The following SUGCT variants were observed in gnomAD, a reference collection of about 807,000 sequenced individuals.
SUGCT encodes the protein succinyl-CoA:glutarate-CoA transferase, also known as succinyl-CoA:glutarate CoA-transferase.
SUGCT carries 41 observed loss-of-function variants against 55.0 expected under a neutral mutation model. That is an observed-to-expected ratio of 0.74 (90% CI 0.58 to 0.97). The LOEUF (loss-of-function observed/expected upper bound fraction) is 0.97, where lower values mean the gene tolerates loss of function less well. SUGCT is among the 50% of genes least tolerant of loss of function. SUGCT has a pLI of 0.00. For synonymous variants in SUGCT, 187 were observed against 200.4 expected (o/e 0.93, Z 0.56); for missense variants, 568 against 547.8 (o/e 1.04, Z -0.37).
chr7:40,395,792 GTC>G (rs1785695932), intron 9 of SUGCT, among the ~76,000 whole-genome samples: 1 of 152,116 alleles, frequency 6.6e-6, no homozygotes, highest in Non-Finnish European at 1.5e-5. Context: ...AATTTGGGTA[GTC>G]TTGCTTTTGG....
At chr7:40,172,227 T>C (rs1216717366) in intron 1 of SUGCT, among the ~76,000 whole-genome samples, 1 of 152,150 alleles carries the variant, frequency 6.6e-6, no homozygotes, top group Non-Finnish European at 1.5e-5. Context: ...GGAGATTGTA[T>C]TGCAGTGGGG....
At chr7:40,487,078 CTTTTTTTT>C (rs745766266) in intron 11 of SUGCT, among the ~76,000 whole-genome samples, 3 of 93,938 alleles carry the variant, frequency 3.2e-5, no homozygotes, top group Admixed American at 1.3e-4. Flanking sequence ...TGATTTCAAT[CTTTTTTTT>C]TTTTTTTTTT....
chr7:40,346,934 T>C (rs73322422), intron 9 of SUGCT, among the ~76,000 whole-genome samples: 17,569 of 152,222 alleles, frequency 0.12, 1,332 homozygotes, highest in East Asian at 0.44. Context: ...TTCAGAACTA[T>C]GAGAAATAAA....
At chr7:40,381,856 ATG>A (rs913545248) in intron 9 of SUGCT, among the ~76,000 whole-genome samples, 66 of 152,078 alleles carry the variant, frequency 4.3e-4, no homozygotes, top group African/African-American at 1.5e-3. Context: ...GTATTTTTTT[ATG>A]TTAATCATTT....
the SUGCT span, among the ~76,000 whole-genome samples, chr7:40,923,754 G>A: frequency 2.6e-5 from 4 of 152,100 alleles, no homozygotes; most frequent in Non-Finnish European, 4.4e-5. Flanking sequence ...TATCTTCTCT[G>A]CTTTTCTAAA....
chr7:40,145,859 C>G (rs187173992), intron 1 of SUGCT, among the ~76,000 whole-genome samples: 117 of 152,304 alleles, frequency 7.7e-4, no homozygotes, highest in African/African-American at 2.5e-3. Flanking sequence ...GTTTCCTTAT[C>G]CCTTACTGAA....
the SUGCT span, among the ~76,000 whole-genome samples, chr7:41,036,423 G>C: frequency 6.6e-6 from 1 of 152,128 alleles, no homozygotes; most frequent in Non-Finnish European, 1.5e-5. Context: ...ACACCAACTG[G>C]TTGGTGAGTT....
At chr7:40,289,241 G>C (rs1315561875) in intron 8 of SUGCT, among the ~76,000 whole-genome samples, 2 of 152,144 alleles carry the variant, frequency 1.3e-5, no homozygotes, top group Non-Finnish European at 2.9e-5. Context: ...TCTTGTAAGA[G>C]AGAGGCGAGA....
intron 9 of SUGCT, among the ~76,000 whole-genome samples, chr7:40,421,983 T>A (rs1424313109): frequency 6.6e-6 from 1 of 152,170 alleles, no homozygotes; most frequent in Non-Finnish European, 1.5e-5. Context: ...GTTTTGGTGA[T>A]CCGGTGTCTA....
intron 9 of SUGCT, among the ~76,000 whole-genome samples, chr7:40,413,642 G>A (rs1040114893): frequency 6.6e-6 from 1 of 152,058 alleles, no homozygotes; most frequent in African/African-American, 2.4e-5. Flanking sequence ...GTATTATACA[G>A]TAAATAGAAA....
chr7:40,843,790 C>T (rs1793411120), intron 13 of SUGCT, among the ~76,000 whole-genome samples: 1 of 152,060 alleles, frequency 6.6e-6, no homozygotes, highest in Admixed American at 6.5e-5. Flanking sequence ...TTGTGAAGAG[C>T]AAGGGAAAGC....
Position 40,234,924 on chromosome 7 carries a change from G to GA in SUGCT, c.485-2701dup, listed in dbSNP as rs921126310. On this transcript the variant is annotated intron_variant, in intron 6 of 13. Coordinates refer to ENST00000335693, the MANE Select transcript of SUGCT (RefSeq NM_001193313.2). Reference sequence around the variant, plus strand: ...ACCCAGTTTCAAAAAAAAGAAAAAAGAAAAAAAAAAGAAAAAGATAATGGT... The same window carrying GA: ...ACCCAGTTTCAAAAAAAAGAAAAAAGAAAAAAAAAAAGAAAAAGATAATGGT... Among the ~76,000 whole-genome samples, 75 of 142,800 alleles carry GA rather than the reference G, an allele frequency of 5.3e-4. No individual in the cohort carries two copies. In the East Asian group the frequency reaches 5.7e-3, roughly 11 times the overall value. 93.7% of individuals were successfully genotyped at this position (142,800 alleles called of 152,430 possible).
chr7:40,522,563 C>A (rs1793594397), intron 12 of SUGCT, among the ~76,000 whole-genome samples: 1 of 151,958 alleles, frequency 6.6e-6, no homozygotes, highest in African/African-American at 2.4e-5. Flanking sequence ...CTCACTTGAC[C>A]CATCCTGATA....
chr7:40,375,084 TG>T (rs775007019), intron 9 of SUGCT, among the ~76,000 whole-genome samples: 60 of 152,108 alleles, frequency 3.9e-4, no homozygotes, highest in Non-Finnish European at 5.3e-4. Context: ...TCCAATTCTG[TG>T]GGAAACCATT....
At chr7:40,359,363 C>A (rs79856126) in intron 9 of SUGCT, among the ~76,000 whole-genome samples, 1,886 of 152,238 alleles carry the variant, frequency 0.012, 36 homozygotes, top group African/African-American at 0.041. Context: ...TGCCACCACA[C>A]CTGGCTGATT....
At chr7:40,856,720 C>T (rs946641184) in intron 13 of SUGCT, among the ~76,000 whole-genome samples, 2 of 152,122 alleles carry the variant, frequency 1.3e-5, no homozygotes, top group African/African-American at 2.4e-5. Context: ...GTGAACATTC[C>T]TAATTATGTC....
At chr7:40,669,995 A>T (rs949479168) in intron 12 of SUGCT, among the ~76,000 whole-genome samples, 4 of 151,812 alleles carry the variant, frequency 2.6e-5, no homozygotes, top group African/African-American at 9.7e-5. Context: ...ATACATCATA[A>T]TACTGAAAAC....
At chr7:40,611,699 G>A (rs190224618) in intron 12 of SUGCT, among the ~76,000 whole-genome samples, 38 of 152,250 alleles carry the variant, frequency 2.5e-4, no homozygotes, top group Middle Eastern at 3.4e-3. Flanking sequence ...AGTACATTAC[G>A]TATATTAGCT....
At chr7:40,722,858 A>T (rs927777991) in intron 12 of SUGCT, among the ~76,000 whole-genome samples, 3 of 152,174 alleles carry the variant, frequency 2.0e-5, no homozygotes, top group African/African-American at 7.2e-5. Context: ...CATTGAAGCG[A>T]TATCCTTCAA....
Sources: gnomAD v4.1 joint callset for allele counts (sites outside exome capture counted in the v4.1 genomes callset) on GRCh38, gnomAD v4.1.1 for gene constraint, MANE v1.5 for transcripts, NCBI Gene and HGNC (gene_info 2026-07-23, HGNC 2026-07-21) for gene names.